Variants in CUX1 observed in about 807,000 individuals in gnomAD.
The protein encoded by CUX1 is protein CASP.
CUX1 carries 31 observed loss-of-function variants against 158.8 expected under a neutral mutation model. That is an observed-to-expected ratio of 0.20 (90% CI 0.15 to 0.26). The LOEUF (loss-of-function observed/expected upper bound fraction) is 0.26, where lower values mean the gene tolerates loss of function less well. Ranked by LOEUF, CUX1 falls within the 10% of genes least tolerant of loss-of-function variation. The pLI is 1.00. For synonymous variants in CUX1, 879 were observed against 862.1 expected, an observed-to-expected ratio of 1.02 and a Z score of -0.34; for missense variants, 1,589 against 2,014.6, an observed-to-expected ratio of 0.79 and a Z score of 4.04.
intron 5 of CUX1, among the ~76,000 whole-genome samples, chr7:102,101,343 C>T (rs1286402446): frequency 6.6e-6 from 1 of 152,164 alleles, no homozygotes; most frequent in Non-Finnish European, 1.5e-5. Flanking sequence ...TGGCCCCGTC[C>T]TCCCCTACAC....
intron 16 of CUX1, among the ~76,000 whole-genome samples, chr7:102,199,476 T>C (rs1795164841): frequency 6.6e-6 from 1 of 152,262 alleles, no homozygotes; most frequent in Non-Finnish European, 1.5e-5. Context: ...AACATCACCA[T>C]GTGGCCGAAA....
At chr7:101,902,354 C>T (rs958177500) in intron 1 of CUX1, among the ~76,000 whole-genome samples, 3 of 152,174 alleles carry the variant, frequency 2.0e-5, no homozygotes, top group African/African-American at 7.2e-5. Flanking sequence ...TCATTGGAGG[C>T]CAGCACTGTC....
At chr7:102,217,047 G>A (rs561542806) in intron 20 of CUX1, among the ~76,000 whole-genome samples, 3 of 152,140 alleles carry the variant, frequency 2.0e-5, no homozygotes, top group Non-Finnish European at 2.9e-5. Context: ...ATAAGTGTTC[G>A]TACACACAGC....
At position 101,966,031 on chromosome 7, in the gene CUX1, C is replaced by A. The variant is rs113450715; in HGVS notation, c.141+49806C>A. ...TTCTGGATATTTTATGATATTGAGG[C>A]GTTATTGCTATTATTTGTGAAGTGA... is the stretch of plus-strand genomic sequence containing the variant. On this transcript the variant is annotated intron_variant, in intron 2 of 23. Coordinates refer to ENST00000292535, the MANE Select transcript of CUX1 (RefSeq NM_181552.4). 9.9e-5 allele frequency among the ~76,000 whole-genome samples: 15 copies of A among 151,992 alleles called. 3 individuals are homozygous for A. The highest frequency in any genetic ancestry group is 2.9e-4 in the African/African-American group (12 of 41,450).
intron 6 of CUX1, among the ~76,000 whole-genome samples, chr7:102,105,077 A>G (rs1830190284): frequency 6.6e-6 from 1 of 152,196 alleles, no homozygotes; most frequent in Non-Finnish European, 1.5e-5. Context: ...GGCTGAGACC[A>G]GAGAGGAAAG....
At chr7:101,891,351 T>C (rs531679081) in intron 1 of CUX1, among the ~76,000 whole-genome samples, 1 of 152,324 alleles carries the variant, frequency 6.6e-6, no homozygotes, top group Non-Finnish European at 1.5e-5. Flanking sequence ...CCCGAGTAGC[T>C]GGGACCACAG....
Position 102,196,823 on chromosome 7 carries a change from C to T in CUX1, c.1412C>T (p.Pro471Leu), listed in dbSNP as rs1554518491. 1 of 1,614,172 alleles carries T rather than the reference C, an allele frequency of 6.2e-7. No homozygotes were observed. Among genetic ancestry groups the T allele is most frequent in the Non-Finnish European group, 8.5e-7 (1 of 1,180,036 alleles). ...FSSSLASPSL[P>L]LASTGKFALN... Reference sequence around the variant, plus strand: ...TCATCCCTGGCAAGCCCCAGCCTACCCCTGGCTTCTACAGGAAAATTTGCA... The same window carrying T: ...TCATCCCTGGCAAGCCCCAGCCTACTCCTGGCTTCTACAGGAAAATTTGCA... Residue 471 changes from proline (P) to leucine (L), a missense_variant, in exon 15 of 24, where the codon CCC becomes CTC. Coordinates refer to ENST00000292535, the MANE Select transcript of CUX1 (RefSeq NM_181552.4).
intron 21 of CUX1, among the ~76,000 whole-genome samples, chr7:102,231,481 G>T (rs1214598444): frequency 6.6e-6 from 1 of 151,970 alleles, no homozygotes; most frequent in Non-Finnish European, 1.5e-5. Flanking sequence ...CTTTCTTCAG[G>T]CTCTCAAATG....
At chr7:102,216,031 C>G (rs1040100074) in intron 20 of CUX1, among the ~76,000 whole-genome samples, 1 of 152,166 alleles carries the variant, frequency 6.6e-6, no homozygotes, top group Non-Finnish European at 1.5e-5. Context: ...TGCCTGGGCA[C>G]AGTGGCTCAC....
rs782199350 is a variant in CUX1 at position 102,248,526 on chromosome 7, G to C, written c.4002G>C (p.Glu1334Asp). The C allele has an allele frequency of 2.3e-4, 352 of 1,529,576 alleles. No homozygotes were observed. Among genetic ancestry groups the C allele is most frequent in the Non-Finnish European group, 2.9e-4 (328 of 1,141,920 alleles). The allele number at this position is 1,529,576 out of a possible 1,614,324, so 94.8% of individuals were successfully genotyped here. Reference sequence around the variant, plus strand: ...GCGGCCGGGCGGCGCCCAGCTCGGAGGGCGACAGCTGCGACGGCGTGGAGG... The same window carrying C: ...GCGGCCGGGCGGCGCCCAGCTCGGACGGCGACAGCTGCGACGGCGTGGAGG... Reference protein sequence around the residue: ...ARSGRAAPSSEGDSCDGVEAT... With the variant: ...ARSGRAAPSSDGDSCDGVEAT... The change falls in exon 24 of 24, where the codon GAG becomes GAC. Residue 1334 changes from glutamate to aspartate, a missense_variant. Physicochemically the swap from Glu to Asp is conservative, Grantham distance 45. Around this residue, in one of 8 missense-constraint regions of CUX1, gnomAD observed 344 missense variants for 323.7 expected, o/e 1.06. Coordinates refer to ENST00000292535, the MANE Select transcript of CUX1 (RefSeq NM_181552.4). This position sits in a 1 kb window ranked among gnomAD's most constrained non-coding sequence, Gnocchi z 5.8.
intron 6 of CUX1, among the ~76,000 whole-genome samples, chr7:102,111,388 ATT>A (rs1281692370): frequency 6.7e-6 from 1 of 148,790 alleles, no homozygotes; most frequent in Non-Finnish European, 1.5e-5. Context: ...CATGATGATG[ATT>A]TTTTTTTTTC....
At chr7:102,208,327 TC>T (rs1554522273) in intron 20 of CUX1, among the ~76,000 whole-genome samples, 1 of 152,162 alleles carries the variant, frequency 6.6e-6, no homozygotes, top group African/African-American at 2.4e-5. Flanking sequence ...CACTGCAACC[TC>T]CGCCTCCTGG....
At position 102,253,783 on chromosome 7, in the gene CUX1, A is replaced by T. The variant is rs1554541014; in HGVS notation, c.*4741A>T. ...CGACAAGCCAGCTGTACAGGGCGAG[A>T]TGTAGCAACACGGGGCATGAGCGGT... On this transcript the variant is annotated 3_prime_UTR_variant, in exon 24 of 24. Coordinates refer to ENST00000292535, the MANE Select transcript of CUX1 (RefSeq NM_181552.4). The T allele has an allele frequency of 1.0e-6, 1 of 985,414 alleles. No individual in the cohort carries two copies. The highest frequency in any genetic ancestry group is 1.2e-6 in the Non-Finnish European group (1 of 830,004). The allele number at this position is 985,414 out of a possible 1,614,324, so 61.0% of individuals were successfully genotyped here. A position where few individuals can be genotyped will look rare whatever the true frequency, so the allele number is the denominator to read the frequency against.
intron 2 of CUX1, among the ~76,000 whole-genome samples, chr7:101,999,783 G>A (rs1245861405): frequency 6.6e-6 from 1 of 152,206 alleles, no homozygotes; most frequent in Non-Finnish European, 1.5e-5. Flanking sequence ...TACTGAATTG[G>A]ATCTCATTTA....
rs377091774 is a variant in CUX1 at position 101,869,758 on chromosome 7, G to T, written c.31-46357G>T. Among the ~76,000 whole-genome samples the T allele has an allele frequency of 6.6e-6, 1 of 152,146 alleles. No homozygotes were observed. Among genetic ancestry groups the T allele is most frequent in the South Asian group, 2.1e-4 (1 of 4,828 alleles). On this transcript the variant is annotated intron_variant, in intron 1 of 23. Transcript: ENST00000292535. This position sits in a 1 kb window ranked among gnomAD's most constrained non-coding sequence, Gnocchi z 4.5. The stretch of plus-strand genomic sequence containing the variant: ...CAGGCTGCAGAGGAAGCGCAGGGGA[G>T]GCGCAGGGGAGGCCAGGCTCTGGCA...
chr7:102,234,253 G>T lies in CUX1; in HGVS notation c.3622+13G>T. 1 of 1,511,184 alleles carries T rather than the reference G, an allele frequency of 6.6e-7. No individual in the cohort carries two copies. 93.6% of individuals were successfully genotyped at this position (1,511,184 alleles called of 1,614,324 possible). A position where few individuals can be genotyped will look rare whatever the true frequency, so the allele number is the denominator to read the frequency against. ...ATGGAGAAGAAAGGTAAGTCTCCCT[G>T]CCCCGCCCGGGCCGGCTGCGTCCGC... On this transcript the variant is annotated intron_variant, in intron 22 of 23. Coordinates refer to ENST00000292535, the MANE Select transcript of CUX1 (RefSeq NM_181552.4).
At chr7:101,975,039 G>A (rs1339240630) in intron 2 of CUX1, among the ~76,000 whole-genome samples, 1 of 152,078 alleles carries the variant, frequency 6.6e-6, no homozygotes. Context: ...ACTGAGGTCA[G>A]GGGTTCGAGA....
chr7:102,205,964 G>A (rs1175735590), intron 20 of CUX1, among the ~76,000 whole-genome samples: 1 of 152,180 alleles, frequency 6.6e-6, no homozygotes, highest in Non-Finnish European at 1.5e-5. Flanking sequence ...AGCCAGCACT[G>A]TGAGCTGGTC....
At chr7:102,224,659 G>T (rs1798169320) in intron 20 of CUX1, among the ~76,000 whole-genome samples, 2 of 152,126 alleles carry the variant, frequency 1.3e-5, no homozygotes, top group Non-Finnish European at 2.9e-5. Context: ...TAACAGTAGT[G>T]AGCGCCCCTG....
Sources: allele counts gnomAD v4.1 joint callset (sites outside exome capture counted in the v4.1 genomes callset), GRCh38; gene constraint gnomAD v4.1.1; regional missense constraint gnomAD v4.1.1; non-coding constraint Gnocchi (gnomAD v3.1); transcripts MANE v1.5; gene names NCBI Gene and HGNC (gene_info 2026-07-23, HGNC 2026-07-21).